ARHGEF12: variants seen among roughly 807,000 people sequenced by gnomAD.
ARHGEF12 encodes the protein Rho guanine nucleotide exchange factor 12, also known as KMT2A/ARHGEF12 fusion protein.
ARHGEF12 carries 66 observed loss-of-function variants against 211.2 expected under a neutral mutation model. The observed-to-expected ratio is 0.31, with a 90% CI of 0.26 to 0.38. The LOEUF is 0.38. ARHGEF12 is among the 10% of genes least tolerant of loss of function. The pLI, the probability that ARHGEF12 is intolerant of heterozygous loss-of-function variation, is 1.00. For synonymous variants in ARHGEF12, 592 were observed against 638.4 expected (o/e 0.93, Z 1.09); for missense variants, 1,429 against 1,869.5 (o/e 0.76, Z 4.34).
chr11:120,364,249 G>C (rs1273557178), intron 1 of ARHGEF12, among the ~76,000 whole-genome samples: 2 of 152,092 alleles, frequency 1.3e-5, no homozygotes, highest in Non-Finnish European at 2.9e-5. Flanking sequence ...AAATCCCTTA[G>C]CCCATCCCAT....
In ARHGEF12 at chr11:120,469,319, AG is replaced by A; in HGVS notation, c.2887del (p.Ala963LeufsTer9). ...CAACAGAAAGGGAGAAGGTGAAGAAAGCTGCAGATCACTGTCGTCAGATCTT... is the reference window on the plus strand; with the variant it reads ...CAACAGAAAGGGAGAAGGTGAAGAAACTGCAGATCACTGTCGTCAGATCTT... ...WPTEREKVKK[A>X]ADHCRQILNY... On this transcript the variant is annotated frameshift_variant, in exon 30 of 41. Transcript: ENST00000397843. LOFTEE classifies it high-confidence loss of function. 6.2e-7 allele frequency: 1 copy of A among 1,613,568 alleles called. No individual in the cohort carries two copies. Among genetic ancestry groups the A allele is most frequent in the Non-Finnish European group, 8.5e-7 (1 of 1,179,714 alleles).
At chr11:120,369,278 AC>A (rs925924723) in intron 1 of ARHGEF12, among the ~76,000 whole-genome samples, 1 of 151,330 alleles carries the variant, frequency 6.6e-6, no homozygotes, top group Non-Finnish European at 1.5e-5. Flanking sequence ...ACAGGCGCAC[AC>A]CCGCACAACT....
At chr11:120,410,890 C>T (rs1307604281) in intron 4 of ARHGEF12, 1 of 152,120 alleles carries the variant, frequency 6.6e-6, no homozygotes, top group Non-Finnish European at 1.5e-5. Flanking sequence ...TTTATCCTCT[C>T]CTTAGGAACA....
At chr11:120,421,761 A>G (rs367644465) in intron 5 of ARHGEF12, 42 bp from the exon 6 acceptor site, 128 of 1,572,186 alleles carry the variant, frequency 8.1e-5, no homozygotes, top group Middle Eastern at 1.7e-4. Context: ...TGATCAGTAA[A>G]TGCAAATGAA....
chr11:120,485,544 CAA>C lies in ARHGEF12; in HGVS notation c.*469_*470del, dbSNP rs1341827967. On this transcript the variant is annotated 3_prime_UTR_variant, in exon 41 of 41. Transcript: ENST00000397843. ...ACCCAAGGATCAACTGCTCCTGAAG[CAA>C]AGAGGTCAGGATGGAGTATGCAGAA... is the stretch of plus-strand genomic sequence containing the variant. The C allele has an allele frequency of 1.7e-5, 4 of 238,370 alleles. No homozygotes were observed. Among genetic ancestry groups the C allele is most frequent in the African/African-American group, 4.4e-5 (2 of 45,390 alleles). The allele number at this position is 238,370 out of a possible 1,614,324, so 14.8% of individuals were successfully genotyped here.
intron 1 of ARHGEF12, among the ~76,000 whole-genome samples, chr11:120,381,561 A>T (rs1943879789): frequency 6.6e-6 from 1 of 152,202 alleles, no homozygotes; most frequent in African/African-American, 2.4e-5. Context: ...CCCTTCAGTG[A>T]AGTTATGTCA....
At position 120,336,897 on chromosome 11, in the gene ARHGEF12, C is replaced by T. The variant is rs1942366563; in HGVS notation, c.-347C>T. ...ACACCCGTCCGTGAGCTGATCCCGC[C>T]CCAGCCCCGGCGGGAGTCCCGGGTC... On this transcript the variant is annotated 5_prime_UTR_variant, in exon 1 of 41. Coordinates refer to ENST00000397843, the MANE Select transcript of ARHGEF12 (RefSeq NM_015313.3). 1 of 427,192 alleles carries T rather than the reference C, an allele frequency of 2.3e-6. No individual in the cohort carries two copies. Among genetic ancestry groups the T allele is most frequent in the South Asian group, 6.8e-5 (1 of 14,714 alleles). The allele number at this position is 427,192 out of a possible 1,614,324, so 26.5% of individuals were successfully genotyped here. A position where few individuals can be genotyped will look rare whatever the true frequency, so the allele number is the denominator to read the frequency against.
At chr11:120,364,054 C>T (rs973672028) in intron 1 of ARHGEF12, among the ~76,000 whole-genome samples, 1 of 152,152 alleles carries the variant, frequency 6.6e-6, no homozygotes, top group African/African-American at 2.4e-5. Flanking sequence ...AGTGATCCTC[C>T]CATTTCAGCC....
At chr11:120,477,947 A>G (rs1023377648) in intron 36 of ARHGEF12, among the ~76,000 whole-genome samples, 2 of 152,044 alleles carry the variant, frequency 1.3e-5, no homozygotes, top group African/African-American at 4.8e-5. Flanking sequence ...TGCAGGTTCC[A>G]GCATCAGAGA....
chr11:120,339,692 T>A (rs1164248944), intron 1 of ARHGEF12, among the ~76,000 whole-genome samples: 2 of 152,134 alleles, frequency 1.3e-5, no homozygotes, highest in African/African-American at 4.8e-5. Context: ...GACTAGCTGG[T>A]TTTGGGCGTT....
rs768920534 is a variant in ARHGEF12, at chr11:120,447,862, CT to C, written c.1590-4del. On this transcript the variant is annotated splice_polypyrimidine_tract_variant and intron_variant, in intron 18 of 40. Transcript: ENST00000397843. The stretch of plus-strand genomic sequence containing the variant: ...ATATTTCATTTTTAAATTTTTTTTT[CT>C]TTTTTTTAAGGATGACTGCTCAGGC... 18 of 1,530,390 alleles carry C rather than the reference CT, an allele frequency of 1.2e-5. No individual in the cohort carries two copies. The highest frequency in any genetic ancestry group is 1.1e-4 in the Admixed American group (5 of 46,766). 94.8% of individuals were successfully genotyped at this position (1,530,390 alleles called of 1,614,324 possible).
chr11:120,389,650 A>C (rs1451216567), intron 1 of ARHGEF12, among the ~76,000 whole-genome samples: 2 of 152,158 alleles, frequency 1.3e-5, no homozygotes, highest in Non-Finnish European at 2.9e-5. Context: ...TGTACAGTTA[A>C]ACTATTTTTT....
chr11:120,474,512 A>C (rs1241887864), intron 31 of ARHGEF12, 48 bp from the exon 32 acceptor site: 1 of 1,344,850 alleles, frequency 7.4e-7, no homozygotes, highest in African/African-American at 1.4e-5. Flanking sequence ...TAATCATGTT[A>C]CTGAGTGCTT....
At chr11:120,347,305 T>C (rs2135278350) in intron 1 of ARHGEF12, among the ~76,000 whole-genome samples, 1 of 147,696 alleles carries the variant, frequency 6.8e-6, no homozygotes, top group East Asian at 2.0e-4. Flanking sequence ...TGTGTGTGTG[T>C]GTAGCAGAAG....
chr11:120,487,220 T>G lies in ARHGEF12; in HGVS notation c.*2143T>G, dbSNP rs1475563030. The stretch of plus-strand genomic sequence containing the variant: ...GCTTGTAGGTTAGCAAAATTTCAGT[T>G]TCTCTAGTTCAGCCAGTGTCTTGTC... On this transcript the variant is annotated 3_prime_UTR_variant, in exon 41 of 41. Transcript: ENST00000397843. 9.2e-6 allele frequency: 2 copies of G among 218,108 alleles called. No individual in the cohort carries two copies. The highest frequency in any genetic ancestry group is 1.4e-4 in the East Asian group (2 of 14,720). The allele number at this position is 218,108 out of a possible 1,614,324, so 13.5% of individuals were successfully genotyped here.
chr11:120,364,816 A>ATTTTTT (rs59126463), intron 1 of ARHGEF12, among the ~76,000 whole-genome samples: 3 of 132,458 alleles, frequency 2.3e-5, no homozygotes, highest in African/African-American at 5.7e-5. Flanking sequence ...ACATGTACCA[A>ATTTTTT]TTTTTTTTTT....
At chr11:120,415,542 G>C (rs1325495652) in intron 4 of ARHGEF12, among the ~76,000 whole-genome samples, 6 of 152,188 alleles carry the variant, frequency 3.9e-5, no homozygotes, top group African/African-American at 9.6e-5. Context: ...GGTGATTTTA[G>C]TTCTACAGAG....
chr11:120,449,244 C>G, intron 21 of ARHGEF12, 30 bp downstream of exon 21: 1 of 1,563,102 alleles, frequency 6.4e-7, no homozygotes, highest in Non-Finnish European at 8.8e-7. Context: ...GCTGCATTTT[C>G]AGTACTCCAG....
rs758470768 is a variant in ARHGEF12 at position 120,451,556 on chromosome 11, T to C, written c.1888T>C (p.Leu630=). Residue 630 remains leucine (L), a synonymous_variant, in exon 22 of 41, where the codon TTA becomes CTA. Coordinates refer to ENST00000397843, the MANE Select transcript of ARHGEF12 (RefSeq NM_015313.3). ...ACAGAAGGCGCGCCACCCTAAGCAC[T>C]TATCCACACCCTCATCTGTGAGTCC... ...ELQKARHPKH[L]STPSSVSPEP... The C allele has an allele frequency of 6.2e-6, 10 of 1,614,142 alleles. No individual in the cohort carries two copies. The South Asian group carries it at 9.9e-5, about 16-fold the overall frequency.
Sources: gnomAD v4.1 joint callset for allele counts (sites outside exome capture counted in the v4.1 genomes callset) on GRCh38, gnomAD v4.1.1 for gene constraint, MANE v1.5 for transcripts, NCBI Gene and HGNC (gene_info 2026-07-23, HGNC 2026-07-21) for gene names.